DOCK1: variants seen among roughly 807,000 people sequenced by gnomAD.
DOCK1 encodes dedicator of cytokinesis protein 1.
A neutral mutation model predicts 262.7 loss-of-function variants in DOCK1; 138 were observed. The observed-to-expected ratio is 0.53, with a 90% CI of 0.46 to 0.61. The LOEUF is 0.61. DOCK1 is among the 20% of genes least tolerant of loss of function. DOCK1 has a pLI of 0.00. For synonymous variants in DOCK1, 866 were observed against 867.4 expected (o/e 1.00, Z 0.03); for missense variants, 1,908 against 2,370.7 (o/e 0.80, Z 4.05).
intron 23 of DOCK1, among the ~76,000 whole-genome samples, chr10:127,078,532 C>T (rs2046704572): frequency 6.6e-6 from 1 of 152,150 alleles, no homozygotes; most frequent in Non-Finnish European, 1.5e-5. Flanking sequence ...ACATGACATT[C>T]TGTGTATGCG....
rs1055881256 is a variant in DOCK1 at position 126,956,349 on chromosome 10, T to C, written c.47-14353T>C. Among the ~76,000 whole-genome samples the C allele has an allele frequency of 9.3e-3, 1,417 of 152,298 alleles. 11 individuals are homozygous for C. The highest frequency in any genetic ancestry group is 0.014 in the Middle Eastern group (4 of 294). ...CTGACCTTTAGGATCTGAGAGTGAC[T>C]TCGTACCTTCTTGTGCTAAGGCCTA... On this transcript the variant is annotated intron_variant, in intron 1 of 51. Coordinates refer to ENST00000623213, the MANE Select transcript of DOCK1 (RefSeq NM_001290223.2).
In DOCK1 at chr10:127,125,577, G is replaced by A; in HGVS notation, c.2727G>A (p.Leu909=). ...GCTGTCAGCTGCTCAGCCACATCCT[G>A]GAGGTGCTGTACAGGAAGGACGTGG... ...EACCQLLSHI[L]EVLYRKDVGP... The change falls in exon 26 of 52, where the codon CTG becomes CTA. Residue 909 remains leucine (L), a synonymous_variant. Transcript: ENST00000623213. The A allele has an allele frequency of 1.2e-6, 2 of 1,613,844 alleles. No homozygotes were observed. The highest frequency in any genetic ancestry group is 1.7e-6 in the Non-Finnish European group (2 of 1,179,848).
At chr10:127,423,226 C>T (rs2068613519) in intron 46 of DOCK1, among the ~76,000 whole-genome samples, 1 of 152,128 alleles carries the variant, frequency 6.6e-6, no homozygotes, top group African/African-American at 2.4e-5. Flanking sequence ...ATTAGTTCAT[C>T]TGGTTTGGTT....
chr10:127,233,974 A>G (rs1564922581), intron 27 of DOCK1, among the ~76,000 whole-genome samples: 1 of 152,224 alleles, frequency 6.6e-6, no homozygotes, highest in South Asian at 2.1e-4. Context: ...TTGTTAACCA[A>G]TAATATCCAT....
intron 25 of DOCK1, among the ~76,000 whole-genome samples, chr10:127,119,683 T>G (rs2049421787): frequency 6.6e-6 from 1 of 152,226 alleles, no homozygotes; most frequent in Admixed American, 6.5e-5. Context: ...GGATCTCAGT[T>G]CTATGTAACA....
intron 29 of DOCK1, among the ~76,000 whole-genome samples, chr10:127,261,717 GCA>G (rs2060135927): frequency 6.9e-6 from 1 of 145,102 alleles, no homozygotes; most frequent in African/African-American, 2.6e-5. Flanking sequence ...GCATGTGTGT[GCA>G]TGTGGGTGTG....
At chr10:127,032,044 T>C (rs1167395460) in intron 17 of DOCK1, 93 bp from the exon 18 acceptor site, 15 of 1,424,300 alleles carry the variant, frequency 1.1e-5, no homozygotes, top group Non-Finnish European at 1.3e-5. Flanking sequence ...GCAATTACGA[T>C]GGTTACAAGG....
intron 27 of DOCK1, among the ~76,000 whole-genome samples, chr10:127,216,789 G>A (rs747080603): frequency 3.3e-5 from 5 of 152,150 alleles, no homozygotes; most frequent in Non-Finnish European, 7.4e-5. Context: ...AAGTTCTGAA[G>A]TACTTAAAAA....
At chr10:127,165,583 T>C (rs1408387853) in intron 27 of DOCK1, among the ~76,000 whole-genome samples, 1 of 152,210 alleles carries the variant, frequency 6.6e-6, no homozygotes, top group African/African-American at 2.4e-5. Flanking sequence ...AGGTTTATTT[T>C]TATATTGCAT....
chr10:127,370,796 G>A (rs1320109953), intron 33 of DOCK1, among the ~76,000 whole-genome samples: 1 of 152,174 alleles, frequency 6.6e-6, no homozygotes, highest in East Asian at 1.9e-4. Context: ...CTATTCATAA[G>A]TGTTCTCTTG....
intron 29 of DOCK1, among the ~76,000 whole-genome samples, chr10:127,323,471 A>T (rs2062625035): frequency 6.6e-6 from 1 of 152,154 alleles, no homozygotes; most frequent in African/African-American, 2.4e-5. Context: ...AGTTTCTCTG[A>T]TGTATCTTCT....
chr10:127,281,641 G>A (rs2060966204), intron 29 of DOCK1, among the ~76,000 whole-genome samples: 1 of 152,172 alleles, frequency 6.6e-6, no homozygotes, highest in African/African-American at 2.4e-5. Context: ...TGCCTCATTG[G>A]CATTGCTGCA....
chr10:127,245,956 ATAGGCCTCT>A (rs2059418106), intron 27 of DOCK1, among the ~76,000 whole-genome samples: 1 of 152,200 alleles, frequency 6.6e-6, no homozygotes, highest in Non-Finnish European at 1.5e-5. Flanking sequence ...CTAGGCTGAT[ATAGGCCTCT>A]TCTTCAGCGG....
intron 27 of DOCK1, among the ~76,000 whole-genome samples, chr10:127,226,452 G>C (rs898775002): frequency 2.6e-5 from 4 of 151,992 alleles, no homozygotes; most frequent in African/African-American, 9.7e-5. Flanking sequence ...CCCATAAATA[G>C]TATGTGGGAA....
chr10:127,242,875 G>T, intron 27 of DOCK1, among the ~76,000 whole-genome samples: 1 of 152,122 alleles, frequency 6.6e-6, no homozygotes, highest in East Asian at 1.9e-4. Context: ...AGTCTTCAGG[G>T]TTCTCCTTTT....
At chr10:127,362,909 C>CCACA (rs1218062230) in intron 33 of DOCK1, among the ~76,000 whole-genome samples, 3 of 90,574 alleles carry the variant, frequency 3.3e-5, no homozygotes, top group Admixed American at 1.2e-4. Flanking sequence ...ATGTACATCT[C>CCACA]CACACACACA....
At chr10:127,121,783 G>A (rs2049598372) in intron 25 of DOCK1, among the ~76,000 whole-genome samples, 1 of 152,140 alleles carries the variant, frequency 6.6e-6, no homozygotes, top group Non-Finnish European at 1.5e-5. Context: ...GGCTGACTTT[G>A]TATACTGATA....
At chr10:127,384,345 G>A (rs1393134149) in intron 37 of DOCK1, among the ~76,000 whole-genome samples, 2 of 152,142 alleles carry the variant, frequency 1.3e-5, no homozygotes, top group Admixed American at 6.5e-5. Context: ...CATCTTTAAG[G>A]AGCTTGACAG....
At chr10:126,908,979 A>G (rs2031357247) in intron 1 of DOCK1, among the ~76,000 whole-genome samples, 1 of 152,222 alleles carries the variant, frequency 6.6e-6, no homozygotes, top group Non-Finnish European at 1.5e-5. Context: ...TGGTCCCCAA[A>G]AAGGTCCACG....
Sources: gnomAD v4.1 joint callset for allele counts (sites outside exome capture counted in the v4.1 genomes callset) on GRCh38, gnomAD v4.1.1 for gene constraint, MANE v1.5 for transcripts, NCBI Gene and HGNC (gene_info 2026-07-23, HGNC 2026-07-21) for gene names.